HIKESHI: variants seen among roughly 807,000 people sequenced by gnomAD.
The protein encoded by HIKESHI is protein Hikeshi.
A neutral mutation model predicts 25.7 loss-of-function variants in HIKESHI; 13 were observed. The ratio of observed to expected loss-of-function variants is 0.51; its 90% CI spans 0.33 to 0.80. The LOEUF (loss-of-function observed/expected upper bound fraction) is 0.80. Among genes scored for constraint, HIKESHI ranks in the 30% least tolerant of loss-of-function variants. The pLI is 0.02. For synonymous variants in HIKESHI, 76 were observed against 78.7 expected (o/e 0.97, Z 0.18); for missense variants, 174 against 229.5 (o/e 0.76, Z 1.56).
At chr11:86,307,899 T>G (rs1275334713) in intron 2 of HIKESHI, among the ~76,000 whole-genome samples, 2 of 125,800 alleles carry the variant, frequency 1.6e-5, no homozygotes, top group African/African-American at 6.3e-5. Flanking sequence ...ATACAATATA[T>G]AAAATATATA....
chr11:86,325,230 T>C (rs1007882241), intron 2 of HIKESHI, among the ~76,000 whole-genome samples: 2 of 152,106 alleles, frequency 1.3e-5, no homozygotes, highest in Non-Finnish European at 2.9e-5. Context: ...TATGATTCTG[T>C]ACTGAATGAT....
At chr11:86,341,122 T>G (rs764671565) in intron 3 of HIKESHI, among the ~76,000 whole-genome samples, 2 of 152,236 alleles carry the variant, frequency 1.3e-5, no homozygotes, top group Non-Finnish European at 2.9e-5. Flanking sequence ...GTTTTTCTGT[T>G]ATAGATGTTT....
intron 2 of HIKESHI, among the ~76,000 whole-genome samples, chr11:86,331,931 A>ATG (rs1283279146): frequency 6.6e-6 from 1 of 151,670 alleles, no homozygotes; most frequent in East Asian, 1.9e-4. Context: ...CATCATAGTG[A>ATG]AATGCTACTG....
intron 2 of HIKESHI, among the ~76,000 whole-genome samples, chr11:86,313,795 T>C (rs1946897845): frequency 6.6e-6 from 1 of 152,068 alleles, no homozygotes; most frequent in Non-Finnish European, 1.5e-5. Flanking sequence ...CGTAAGTGGG[T>C]TGGGGAAGCT....
Position 86,337,432 on chromosome 11 carries a change from G to A in HIKESHI, c.322G>A (p.Val108Ile). The change falls in exon 3 of 5, where the codon GTT becomes ATT. Residue 108 changes from valine to isoleucine, a missense_variant. Coordinates refer to ENST00000278483, the MANE Select transcript of HIKESHI (RefSeq NM_016401.4). Reference sequence around the variant, plus strand: ...CATGAATATTGTCCGAACTCCATCTGTTGCTCAGATTGGAATTTCAGTGGA... The same window carrying A: ...CATGAATATTGTCCGAACTCCATCTATTGCTCAGATTGGAATTTCAGTGGA... The part of the protein sequence containing the change: ...GAMNIVRTPS[V>I]AQIGISVELL... The A allele has an allele frequency of 1.2e-6, 2 of 1,614,074 alleles. No individual in the cohort carries two copies. Among genetic ancestry groups the A allele is most frequent in the Non-Finnish European group, 1.7e-6 (2 of 1,179,964 alleles).
intron 2 of HIKESHI, among the ~76,000 whole-genome samples, chr11:86,323,740 A>G (rs1947205817): frequency 6.6e-6 from 1 of 152,242 alleles, no homozygotes; most frequent in African/African-American, 2.4e-5. Context: ...CTTTAGGATC[A>G]TAAGAACACA....
At chr11:86,332,333 T>C (rs1410479812) in intron 2 of HIKESHI, among the ~76,000 whole-genome samples, 1 of 152,164 alleles carries the variant, frequency 6.6e-6, no homozygotes, top group African/African-American at 2.4e-5. Flanking sequence ...ACCAGTGGAC[T>C]TTTAATTTTT....
At chr11:86,342,350 T>C (rs1325017560) in intron 3 of HIKESHI, among the ~76,000 whole-genome samples, 7 of 152,208 alleles carry the variant, frequency 4.6e-5, no homozygotes, top group East Asian at 3.8e-4. Flanking sequence ...ATAGTGACTT[T>C]TACATACAGA....
rs1229104344 is a variant in HIKESHI at position 86,306,142 on chromosome 11, G to A, written c.31-103G>A. The A allele has an allele frequency of 6.7e-6, 5 of 747,754 alleles. No individual in the cohort carries two copies. In the African/African-American group the frequency reaches 8.8e-5, roughly 13 times the overall value. 46.3% of individuals were successfully genotyped at this position (747,754 alleles called of 1,614,324 possible). A position where few individuals can be genotyped will look rare whatever the true frequency, so the allele number is the denominator to read the frequency against. Reference sequence around the variant, plus strand: ...GATTTAACATTCTATTTGGTAGAAAGACTATAATGGATTATGCTGGTAATA... The same window carrying A: ...GATTTAACATTCTATTTGGTAGAAAAACTATAATGGATTATGCTGGTAATA... On this transcript the variant is annotated intron_variant, in intron 1 of 4. Transcript: ENST00000278483.
chr11:86,323,623 T>C (rs1244945766), intron 2 of HIKESHI, among the ~76,000 whole-genome samples: 6 of 152,240 alleles, frequency 3.9e-5, no homozygotes, highest in Non-Finnish European at 7.3e-5. Context: ...AGTATTTCTT[T>C]TTGGTTATTC....
At chr11:86,342,671 T>C (rs1177906003) in intron 3 of HIKESHI, among the ~76,000 whole-genome samples, 1 of 152,134 alleles carries the variant, frequency 6.6e-6, no homozygotes, top group Non-Finnish European at 1.5e-5. Context: ...TAAATTCATT[T>C]TTCCCCTTAT....
chr11:86,336,363 C>A (rs7122551), intron 2 of HIKESHI, among the ~76,000 whole-genome samples: 94,195 of 151,986 alleles, frequency 0.62, 29,383 homozygotes, highest in East Asian at 0.79. Context: ...AATTTATATG[C>A]TGAAATCCTA....
intron 2 of HIKESHI, among the ~76,000 whole-genome samples, chr11:86,322,956 C>T (rs759121350): frequency 2.0e-5 from 3 of 152,098 alleles, no homozygotes; most frequent in Admixed American, 6.6e-5. Flanking sequence ...AGGCTGGGCA[C>T]GGTAGCTCAT....
chr11:86,313,600 C>G (rs1366322256), intron 2 of HIKESHI, among the ~76,000 whole-genome samples: 1 of 152,114 alleles, frequency 6.6e-6, no homozygotes, highest in Non-Finnish European at 1.5e-5. Flanking sequence ...ATGTAGGTAA[C>G]ATGTTTATAT....
intron 2 of HIKESHI, among the ~76,000 whole-genome samples, chr11:86,317,812 A>G (rs770306219): frequency 6.6e-6 from 1 of 152,146 alleles, no homozygotes; most frequent in South Asian, 2.1e-4. Flanking sequence ...ACGAAAAACG[A>G]TGAATCAAGG....
rs2138441197 is a variant in HIKESHI at position 86,344,963 on chromosome 11, G to C, written c.539+242G>C. On this transcript the variant is annotated intron_variant, in intron 4 of 4. Coordinates refer to ENST00000278483, the MANE Select transcript of HIKESHI (RefSeq NM_016401.4). ...GGAAAATATAGTTGCCTATGTTTTA[G>C]GGACCACTATTAAAGCTTATAAATA... 9.2e-6 allele frequency: 5 copies of C among 540,914 alleles called. No homozygotes were observed. The East Asian group carries it at 1.6e-4, about 17-fold the overall frequency. The allele number at this position is 540,914 out of a possible 1,614,324, so 33.5% of individuals were successfully genotyped here.
chr11:86,338,786 A>T (rs1370881111), intron 3 of HIKESHI, among the ~76,000 whole-genome samples: 1 of 152,238 alleles, frequency 6.6e-6, no homozygotes, highest in East Asian at 1.9e-4. Context: ...TGCTGAAAAC[A>T]AACTATAAAA....
At chr11:86,342,191 A>G (rs760537013) in intron 3 of HIKESHI, among the ~76,000 whole-genome samples, 2 of 151,938 alleles carry the variant, frequency 1.3e-5, no homozygotes, top group East Asian at 1.9e-4. Context: ...ATTTTGTCCA[A>G]TTTTCTGTTG....
intron 2 of HIKESHI, chr11:86,323,867 G>A (rs1947208195): frequency 6.6e-6 from 1 of 152,108 alleles, no homozygotes; most frequent in Admixed American, 6.6e-5. Flanking sequence ...GTTTTCTCTT[G>A]TAGAGTTAAA....
Sources: gnomAD v4.1 joint callset for allele counts (sites outside exome capture counted in the v4.1 genomes callset) on GRCh38, gnomAD v4.1.1 for gene constraint, MANE v1.5 for transcripts, NCBI Gene and HGNC (gene_info 2026-07-23, HGNC 2026-07-21) for gene names.